Variants in CMSS1 observed in about 807,000 individuals in gnomAD.
CMSS1 encodes protein CMSS1.
Under a neutral mutation model 43.5 loss-of-function variants are expected in CMSS1, and 33 were observed. That is an observed-to-expected ratio of 0.76 (90% CI 0.57 to 1.01). The LOEUF is 1.01. Ranked by LOEUF, CMSS1 falls within the 50% of genes least tolerant of loss-of-function variation. CMSS1 has a pLI of 0.00. For missense variants in CMSS1, 313 were observed against 326.4 expected (o/e 0.96, Z 0.32); for synonymous variants, 115 against 117.2 (o/e 0.98, Z 0.12).
intron 1 of CMSS1, among the ~76,000 whole-genome samples, chr3:99,988,277 C>G (rs1357560842): frequency 2.0e-5 from 3 of 147,260 alleles, no homozygotes; most frequent in Admixed American, 6.9e-5. Flanking sequence ...GCAGGCAAAT[C>G]ACGAGGTTGG....
intron 1 of CMSS1, among the ~76,000 whole-genome samples, chr3:99,937,434 C>A (rs1225246837): frequency 6.6e-6 from 1 of 152,172 alleles, no homozygotes; most frequent in Non-Finnish European, 1.5e-5. Context: ...TCAACCACTG[C>A]TGTCATATTG....
intron 1 of CMSS1, among the ~76,000 whole-genome samples, chr3:99,942,972 C>T (rs1408841470): frequency 2.0e-5 from 3 of 152,086 alleles, no homozygotes; most frequent in African/African-American, 7.2e-5. Flanking sequence ...AACTATGTCC[C>T]AGGAGCCAAG....
At chr3:99,894,929 T>C (rs1399267847) in intron 1 of CMSS1, among the ~76,000 whole-genome samples, 1 of 152,246 alleles carries the variant, frequency 6.6e-6, no homozygotes, top group East Asian at 1.9e-4. Context: ...TGGGACCCTA[T>C]GTGTTACACG....
intron 2 of CMSS1, among the ~76,000 whole-genome samples, chr3:100,158,651 G>T (rs909493902): frequency 1.4e-4 from 22 of 152,196 alleles, no homozygotes. Flanking sequence ...GATGATGTAA[G>T]AATTTGAACC....
At chr3:100,014,874 C>CTTTTTT (rs200759774) in intron 1 of CMSS1, among the ~76,000 whole-genome samples, 27 of 28,196 alleles carry the variant, frequency 9.6e-4, no homozygotes, top group Non-Finnish European at 1.3e-3. Context: ...TTTTTCTTTT[C>CTTTTTT]TTTTTTTTTT....
chr3:99,982,193 AGTATT>A (rs1418816749), intron 1 of CMSS1, among the ~76,000 whole-genome samples: 1 of 152,150 alleles, frequency 6.6e-6, no homozygotes, highest in Non-Finnish European at 1.5e-5. Flanking sequence ...TTTTTTTAAT[AGTATT>A]GTCTATATGC....
chr3:99,953,358 T>C (rs1159354532), intron 1 of CMSS1, among the ~76,000 whole-genome samples: 1 of 152,150 alleles, frequency 6.6e-6, no homozygotes, highest in Non-Finnish European at 1.5e-5. Flanking sequence ...TAGAATTTCT[T>C]AGACTGAGAA....
intron 1 of CMSS1, among the ~76,000 whole-genome samples, chr3:99,999,641 C>A (rs1025283449): frequency 6.6e-6 from 1 of 152,138 alleles, no homozygotes; most frequent in African/African-American, 2.4e-5. Context: ...TCAGTCAGCG[C>A]TTTGCTAAAC....
intron 1 of CMSS1, among the ~76,000 whole-genome samples, chr3:100,087,246 T>C (rs371564197): frequency 1.4e-4 from 22 of 152,388 alleles, no homozygotes; most frequent in African/African-American, 5.3e-4. Context: ...TGTAAATGAA[T>C]GTTTAGCATC....
intron 1 of CMSS1, among the ~76,000 whole-genome samples, chr3:99,853,399 G>C (rs182162724): frequency 2.6e-5 from 4 of 152,288 alleles, no homozygotes; most frequent in East Asian, 3.9e-4. Context: ...TATAGCATGT[G>C]CTATGTCATT....
At chr3:100,010,778 A>ATTTTTTTTTTTTTTTTTTTTT (rs11371196) in intron 1 of CMSS1, among the ~76,000 whole-genome samples, 1 of 93,676 alleles carries the variant, frequency 1.1e-5, no homozygotes, top group African/African-American at 4.4e-5. Context: ...CCACGCCCGG[A>ATTTTTTTTTTTTTTTTTTTTT]TTTTTTTTTT....
At chr3:99,836,706 C>T (rs964701232) in intron 1 of CMSS1, among the ~76,000 whole-genome samples, 1 of 152,174 alleles carries the variant, frequency 6.6e-6, no homozygotes, top group African/African-American at 2.4e-5. Flanking sequence ...AGAACAGCCA[C>T]CTAAGGAGGC....
chr3:100,167,846 A>G lies in CMSS1; in HGVS notation c.518+6A>G, dbSNP rs1253757841. On this transcript the variant is annotated splice_donor_region_variant and intron_variant, in intron 6 of 9. Coordinates refer to ENST00000421999, the MANE Select transcript of CMSS1 (RefSeq NM_032359.4). ...CGAGCCCTGGAGCTCATTAGGTTGG[A>G]AGGTTCACCTATTCCATATCATAAA... The G allele has an allele frequency of 6.3e-7, 1 of 1,581,390 alleles. No homozygotes were observed. The highest frequency in any genetic ancestry group is 1.7e-5 in the Admixed American group (1 of 58,174).
intron 1 of CMSS1, among the ~76,000 whole-genome samples, chr3:100,059,838 G>T (rs1375290801): frequency 6.6e-6 from 1 of 152,098 alleles, no homozygotes; most frequent in East Asian, 1.9e-4. Flanking sequence ...AAAAACTCTG[G>T]CAACTAATTC....
At chr3:100,103,315 A>C (rs1391762262) in intron 1 of CMSS1, among the ~76,000 whole-genome samples, 1 of 152,218 alleles carries the variant, frequency 6.6e-6, no homozygotes, top group Non-Finnish European at 1.5e-5. Flanking sequence ...CAGAACCCGA[A>C]GTCTTGAGCA....
intron 1 of CMSS1, chr3:99,930,718 C>A (rs375577122): frequency 1.3e-5 from 20 of 1,594,884 alleles, no homozygotes; most frequent in African/African-American, 2.7e-5. Context: ...ACCAAATTCA[C>A]AAGCAGCCTT....
intron 1 of CMSS1, among the ~76,000 whole-genome samples, chr3:99,844,156 C>T (rs980203190): frequency 6.6e-6 from 1 of 152,154 alleles, no homozygotes; most frequent in South Asian, 2.1e-4. Flanking sequence ...TATCTTACAG[C>T]ATATTGCTAG....
At chr3:100,059,046 G>T (rs533031481) in intron 1 of CMSS1, among the ~76,000 whole-genome samples, 47 of 152,298 alleles carry the variant, frequency 3.1e-4, no homozygotes, top group Admixed American at 1.6e-3. Flanking sequence ...TGAAATAAAG[G>T]CTACCTTTAG....
chr3:99,928,323 C>T lies in CMSS1; in HGVS notation c.64+110280C>T, dbSNP rs536725462. Among the ~76,000 whole-genome samples the T allele has an allele frequency of 1.4e-4, 22 of 152,056 alleles. No homozygotes were observed. In the South Asian group the frequency reaches 2.7e-3, roughly 19 times the overall value. ...TGTGTACGTGGAGTTATTTTGGCTT[C>T]GAGGAATTGCATAAACTGATATCTG... On this transcript the variant is annotated intron_variant, in intron 1 of 9. Transcript: ENST00000421999.
Sources: allele counts gnomAD v4.1 joint callset (sites outside exome capture counted in the v4.1 genomes callset), GRCh38; gene constraint gnomAD v4.1.1; transcripts MANE v1.5; gene names NCBI Gene and HGNC (gene_info 2026-07-23, HGNC 2026-07-21).